Variants in OPRK1 observed in about 807,000 individuals in gnomAD.
The protein encoded by OPRK1 is opioid receptor kappa 1.
Under a neutral mutation model 24.5 loss-of-function variants are expected in OPRK1, and 15 were observed. The ratio of observed to expected loss-of-function variants is 0.61; its 90% CI spans 0.41 to 0.94. The LOEUF is 0.94. Ranked by LOEUF, OPRK1 falls within the 40% of genes least tolerant of loss-of-function variation. The probability of loss-of-function intolerance (pLI) is 0.00; values close to 1 mark genes in which losing one functional copy is unlikely to be tolerated. For missense variants in OPRK1, 479 were observed against 507.3 expected, an observed-to-expected ratio of 0.94 and a Z score of 0.54; for synonymous variants, 205 against 198.0, an observed-to-expected ratio of 1.04 and a Z score of -0.30.
At chr8:53,248,308 G>A (rs1028254048) in intron 2 of OPRK1, among the ~76,000 whole-genome samples, 11 of 151,988 alleles carry the variant, frequency 7.2e-5, no homozygotes, top group Non-Finnish European at 1.5e-4. Flanking sequence ...CCCCAGGTCT[G>A]AGCTGAACAG....
chr8:53,238,862 A>G (rs906619020), intron 2 of OPRK1: 1 of 180,546 alleles, frequency 5.5e-6, no homozygotes, highest in Non-Finnish European at 1.1e-5. Context: ...CTTTCCATGC[A>G]TGGCTGTACT....
At chr8:53,245,324 G>T (rs1369700776) in intron 2 of OPRK1, among the ~76,000 whole-genome samples, 1 of 152,192 alleles carries the variant, frequency 6.6e-6, no homozygotes. Context: ...CAGATGTGTA[G>T]GGGAAAGGCT....
At position 53,234,897 on chromosome 8, in the gene OPRK1, T is replaced by C; in HGVS notation, c.472A>G (p.Ile158Val). Residue 158 changes from isoleucine to valine, a missense_variant, in exon 3 of 4, where the codon ATT becomes GTT. By Grantham distance (29) the Ile-to-Val change is conservative. Coordinates refer to ENST00000265572, the MANE Select transcript of OPRK1 (RefSeq NM_000912.5). ...TLTMMSVDRY[I>V]AVCHPVKALD... ...GCCTTCACGGGGTGGCACACGGCAA[T>C]GTAGCGGTCCACGCTCATCATGGTC... The C allele has an allele frequency of 5.0e-6, 8 of 1,614,166 alleles. No individual in the cohort carries two copies. Among genetic ancestry groups the C allele is most frequent in the South Asian group, 1.1e-5 (1 of 91,076 alleles).
chr8:53,249,715 T>C (rs16918949), intron 2 of OPRK1, among the ~76,000 whole-genome samples: 1 of 152,182 alleles, frequency 6.6e-6, no homozygotes, highest in Non-Finnish European at 1.5e-5. Flanking sequence ...CATGATATGG[T>C]TGTTAAAGTT....
In OPRK1 at chr8:53,251,066, G is replaced by T; in HGVS notation, c.-29C>A. ...GGGGCGATTGCAGCAGGAAGGCGAGGACAGGCGGCACCTGCGGCGCTGCGG... is the reference window on the plus strand; with the variant it reads ...GGGGCGATTGCAGCAGGAAGGCGAGTACAGGCGGCACCTGCGGCGCTGCGG... On this transcript the variant is annotated 5_prime_UTR_variant, in exon 2 of 4. Coordinates refer to ENST00000265572, the MANE Select transcript of OPRK1 (RefSeq NM_000912.5). 1.4e-6 allele frequency: 2 copies of T among 1,474,724 alleles called. No homozygotes were observed. 91.4% of individuals were successfully genotyped at this position (1,474,724 alleles called of 1,614,324 possible).
chr8:53,241,220 TGAA>T (rs1807109609), intron 2 of OPRK1, among the ~76,000 whole-genome samples: 2 of 152,178 alleles, frequency 1.3e-5, no homozygotes, highest in Admixed American at 6.5e-5. Context: ...AAAAATAAAA[TGAA>T]GAATGATGAC....
At chr8:53,243,961 G>A (rs1460213442) in intron 2 of OPRK1, among the ~76,000 whole-genome samples, 2 of 152,032 alleles carry the variant, frequency 1.3e-5, no homozygotes, top group African/African-American at 4.8e-5. Context: ...ATTATCTAAG[G>A]TAGGCTATGT....
chr8:53,240,884 G>C (rs1003386739), intron 2 of OPRK1, among the ~76,000 whole-genome samples: 1 of 152,142 alleles, frequency 6.6e-6, no homozygotes, highest in Non-Finnish European at 1.5e-5. Context: ...ACTGTGTGTG[G>C]TAATGGCTGT....
intron 2 of OPRK1, chr8:53,242,628 T>A (rs1206790487): frequency 5.0e-6 from 1 of 201,976 alleles, no homozygotes; most frequent in Non-Finnish European, 1.0e-5. Context: ...TGCCTCAGCC[T>A]CCCGAGTAGC....
intron 2 of OPRK1, among the ~76,000 whole-genome samples, chr8:53,240,079 G>A (rs1807080554): frequency 6.6e-6 from 1 of 152,116 alleles, no homozygotes; most frequent in African/African-American, 2.4e-5. Context: ...TGAGAAACAG[G>A]GCAAGGTCCA....
chr8:53,243,060 A>G, intron 2 of OPRK1: 2 of 977,478 alleles, frequency 2.0e-6, no homozygotes, highest in Non-Finnish European at 2.6e-6. Flanking sequence ...ACTGCTGCTG[A>G]TCTTTCTGTT....
chr8:53,246,372 A>G (rs1191951875), intron 2 of OPRK1, among the ~76,000 whole-genome samples: 1 of 152,174 alleles, frequency 6.6e-6, no homozygotes, highest in East Asian at 1.9e-4. Flanking sequence ...AGAAAAGGAA[A>G]CAAAGAGTAG....
At position 53,251,476 on chromosome 8, in the gene OPRK1, AG is replaced by A; in HGVS notation, c.-78del. 1 of 170,132 alleles carries A rather than the reference AG, an allele frequency of 5.9e-6. No individual in the cohort carries two copies. Among genetic ancestry groups the A allele is most frequent in the South Asian group, 1.8e-4 (1 of 5,524 alleles). The allele number at this position is 170,132 out of a possible 1,614,324, so 10.5% of individuals were successfully genotyped here. ...TGGTTCCCAGAGACAGGCGAAGGCG[AG>A]GTTTTTTACGGGACGCCCTGGTAGG... On this transcript the variant is annotated 5_prime_UTR_variant, in exon 1 of 4. Transcript: ENST00000265572.
intron 2 of OPRK1, among the ~76,000 whole-genome samples, chr8:53,235,978 T>C (rs950644866): frequency 6.6e-6 from 1 of 152,172 alleles, no homozygotes. Flanking sequence ...CAAATATCCA[T>C]AGAGTATTAA....
chr8:53,240,856 T>C (rs1807097014), intron 2 of OPRK1, among the ~76,000 whole-genome samples: 1 of 152,214 alleles, frequency 6.6e-6, no homozygotes, highest in Admixed American at 6.5e-5. Context: ...ATACACACCA[T>C]ACATGCACAA....
intron 2 of OPRK1, among the ~76,000 whole-genome samples, chr8:53,246,972 A>G (rs1807244524): frequency 6.6e-6 from 1 of 152,212 alleles, no homozygotes; most frequent in Non-Finnish European, 1.5e-5. Context: ...ATATACTTGA[A>G]GGTGGTGACT....
chr8:53,243,541 C>G (rs1210373205), intron 2 of OPRK1, among the ~76,000 whole-genome samples: 1 of 152,228 alleles, frequency 6.6e-6, no homozygotes, highest in Non-Finnish European at 1.5e-5. Flanking sequence ...TTCTCTCTCT[C>G]TCTGCAGTTG....
chr8:53,231,011 T>C (rs967868246), intron 3 of OPRK1, among the ~76,000 whole-genome samples: 1 of 152,180 alleles, frequency 6.6e-6, no homozygotes, highest in East Asian at 1.9e-4. Flanking sequence ...TAATTACATA[T>C]ACTTTAAAAT....
At chr8:53,232,835 T>G (rs1010382205) in intron 3 of OPRK1, among the ~76,000 whole-genome samples, 3 of 152,206 alleles carry the variant, frequency 2.0e-5, no homozygotes, top group Admixed American at 6.5e-5. Flanking sequence ...GCGATTATAA[T>G]AATTCTTAGC....
Sources: gnomAD v4.1 joint callset for allele counts (sites outside exome capture counted in the v4.1 genomes callset) on GRCh38, gnomAD v4.1.1 for gene constraint, MANE v1.5 for transcripts, NCBI Gene and HGNC (gene_info 2026-07-23, HGNC 2026-07-21) for gene names.